Variants in CEP63 observed in about 807,000 individuals in gnomAD.
CEP63 encodes centrosomal protein of 63 kDa.
Under a neutral mutation model 89.1 loss-of-function variants are expected in CEP63, and 84 were observed. The observed-to-expected ratio is 0.94, with a 90% CI of 0.79 to 1.13. The LOEUF (loss-of-function observed/expected upper bound fraction) is 1.13, where lower values mean the gene tolerates loss of function less well. Ranked by LOEUF, CEP63 falls within the 50% of genes most tolerant of loss-of-function variation. CEP63 has a pLI of 0.00. For synonymous variants in CEP63, 267 were observed against 272.5 expected, an observed-to-expected ratio of 0.98 and a Z score of 0.20; for missense variants, 838 against 813.3, an observed-to-expected ratio of 1.03 and a Z score of -0.37.
chr3:134,778,566 T>C, the CEP63 span, among the ~76,000 whole-genome samples: 7 of 151,980 alleles, frequency 4.6e-5, no homozygotes, highest in Non-Finnish European at 8.8e-5. Context: ...TGTTTTCTGT[T>C]TTGTTTTTTT....
At chr3:134,729,172 G>A in the CEP63 span, among the ~76,000 whole-genome samples, 1 of 152,002 alleles carries the variant, frequency 6.6e-6, no homozygotes, top group South Asian at 2.1e-4. Flanking sequence ...GATACAAAAT[G>A]GTATATAGTG....
chr3:134,699,688 A>G, the CEP63 span, among the ~76,000 whole-genome samples: 18 of 152,114 alleles, frequency 1.2e-4, no homozygotes, highest in Non-Finnish European at 2.1e-4. Flanking sequence ...ACACATCACA[A>G]TCACTCTCTC....
the CEP63 span, among the ~76,000 whole-genome samples, chr3:134,705,027 A>G: frequency 1.3e-5 from 2 of 152,224 alleles, no homozygotes; most frequent in Admixed American, 1.3e-4. Context: ...AGAATGCTTT[A>G]GGAGGAATAT....
the CEP63 span, among the ~76,000 whole-genome samples, chr3:134,639,108 A>G: frequency 1.4e-5 from 2 of 143,532 alleles, no homozygotes; most frequent in South Asian, 4.5e-4. Context: ...TAGAGTCAGG[A>G]AAACAGCTAA....
intron 2 of CEP63, among the ~76,000 whole-genome samples, chr3:134,500,517 T>G (rs1014260226): frequency 6.6e-6 from 1 of 152,216 alleles, no homozygotes; most frequent in African/African-American, 2.4e-5. Flanking sequence ...TTGAGAAATC[T>G]CCAAACTGCT....
chr3:134,647,304 G>T, the CEP63 span: 1 of 717,754 alleles, frequency 1.4e-6, no homozygotes, highest in Non-Finnish European at 2.4e-6. Flanking sequence ...GGCCTGGCTG[G>T]GTCAGGAGCA....
chr3:134,656,394 G>T, the CEP63 span, among the ~76,000 whole-genome samples: 1 of 152,218 alleles, frequency 6.6e-6, no homozygotes, highest in Non-Finnish European at 1.5e-5. Flanking sequence ...ACTGAGAGGA[G>T]CAGAAGAGCA....
chr3:134,750,066 C>T, the CEP63 span, among the ~76,000 whole-genome samples: 1 of 152,248 alleles, frequency 6.6e-6, no homozygotes, highest in African/African-American at 2.4e-5. Context: ...CCTCATTTCA[C>T]CTGCCTTTCC....
In CEP63 at chr3:134,561,443, T is replaced by A; in HGVS notation, c.2020T>A (p.Ser674Thr). Residue 674 changes from serine to threonine, a missense_variant, in exon 15 of 15, where the codon TCT (serine) becomes ACT (threonine). Ser to Thr is a moderately conservative substitution (Grantham distance 58). Transcript: ENST00000675561. The part of the protein sequence containing the change: ...TRFLEEEELR[S>T]HHILERLDAH... Reference sequence around the variant, plus strand: ...ATTTTTGGAAGAGGAGGAACTGAGGTCTCATCACATTCTAGAGCGCTTGGA... The same window carrying A: ...ATTTTTGGAAGAGGAGGAACTGAGGACTCATCACATTCTAGAGCGCTTGGA... The A allele has an allele frequency of 6.2e-7, 1 of 1,613,898 alleles. No homozygotes were observed. The highest frequency in any genetic ancestry group is 8.5e-7 in the Non-Finnish European group (1 of 1,179,872).
At chr3:134,726,228 A>C in the CEP63 span, among the ~76,000 whole-genome samples, 1 of 152,146 alleles carries the variant, frequency 6.6e-6, no homozygotes, top group South Asian at 2.1e-4. Context: ...GGCTTTTTCC[A>C]CGGAAAGGCA....
intron 2 of CEP63, among the ~76,000 whole-genome samples, chr3:134,498,417 A>G (rs547717891): frequency 6.6e-6 from 1 of 152,298 alleles, no homozygotes; most frequent in South Asian, 2.1e-4. Context: ...GTATTCTGCA[A>G]CTTTACTGAA....
chr3:134,560,938 T>C (rs1318964165), intron 14 of CEP63, among the ~76,000 whole-genome samples: 1 of 152,224 alleles, frequency 6.6e-6, no homozygotes, highest in Admixed American at 6.5e-5. Flanking sequence ...GGGTTTCAGA[T>C]AAGGGACTGT....
chr3:134,581,495 G>A (rs1958345236), intron 10 of CEP63, among the ~76,000 whole-genome samples: 1 of 60,174 alleles, frequency 1.7e-5, no homozygotes, highest in Non-Finnish European at 3.0e-5. Flanking sequence ...CAGGAGAATT[G>A]CTTAAACCCA....
At chr3:134,545,871 A>C in intron 7 of CEP63, 52 bp downstream of exon 7, 1 of 1,337,418 alleles carries the variant, frequency 7.5e-7, no homozygotes, top group Middle Eastern at 1.9e-4. Context: ...GAGTATTTTA[A>C]GAGAGTGTTA....
At chr3:134,603,926 T>C in the CEP63 span, 1 of 1,614,002 alleles carries the variant, frequency 6.2e-7, no homozygotes, top group Non-Finnish European at 8.5e-7. Context: ...AAGATGTAGT[T>C]TCCTGGTTCC....
At position 134,559,327 on chromosome 3, in the gene CEP63, A is replaced by G; in HGVS notation, c.1851A>G (p.Leu617=). 5 of 1,614,118 alleles carry G rather than the reference A, an allele frequency of 3.1e-6. No homozygotes were observed. Among genetic ancestry groups the G allele is most frequent in the African/African-American group, 1.3e-5 (1 of 75,042 alleles). ...CCAGGTCTTTGACTTCCTACTCTCT[A>G]TGTAAAACTCATTCTTTGCCTTCAG... ...SSTRSLTSYS[L]CKTHSLPSAL... is the part of the protein sequence containing the mutation. The change falls in exon 14 of 15, where the codon CTA becomes CTG. Residue 617 remains leucine, a synonymous_variant. Transcript: ENST00000675561.
chr3:134,673,394 G>T, the CEP63 span, among the ~76,000 whole-genome samples: 1 of 152,132 alleles, frequency 6.6e-6, no homozygotes, highest in African/African-American at 2.4e-5. Flanking sequence ...CTGGCCATCA[G>T]CTCCTTTTGG....
intron 9 of CEP63, among the ~76,000 whole-genome samples, chr3:134,547,869 A>G (rs920224052): frequency 1.3e-5 from 2 of 152,046 alleles, no homozygotes; most frequent in Non-Finnish European, 2.9e-5. Flanking sequence ...TTGGCCTCCC[A>G]AAGTGCTGGG....
At chr3:134,720,759 G>A in the CEP63 span, among the ~76,000 whole-genome samples, 1 of 152,020 alleles carries the variant, frequency 6.6e-6, no homozygotes, top group Admixed American at 6.6e-5. Flanking sequence ...GATGGTCTTG[G>A]CACTCTTGTC....
Sources: allele counts gnomAD v4.1 joint callset (sites outside exome capture counted in the v4.1 genomes callset), GRCh38; gene constraint gnomAD v4.1.1; transcripts MANE v1.5; gene names NCBI Gene and HGNC (gene_info 2026-07-23, HGNC 2026-07-21).